The following SAG variants were observed in gnomAD, a reference collection of about 807,000 sequenced individuals.
SAG encodes S-antigen visual arrestin.
Under a neutral mutation model 55.0 loss-of-function variants are expected in SAG, and 45 were observed. The ratio of observed to expected loss-of-function variants is 0.82; its 90% CI spans 0.64 to 1.05. SAG has a LOEUF of 1.05. Among genes scored for constraint, SAG ranks in the 50% least tolerant of loss-of-function variants. The pLI, the probability that SAG is intolerant of heterozygous loss-of-function variation, is 0.00. For missense variants in SAG, 455 were observed against 512.1 expected (o/e 0.89, Z 1.08); for synonymous variants, 189 against 197.4 (o/e 0.96, Z 0.36).
At chr2:233,335,857 G>A (rs1258852396) in intron 11 of SAG, among the ~76,000 whole-genome samples, 1 of 152,228 alleles carries the variant, frequency 6.6e-6, no homozygotes, top group African/African-American at 2.4e-5. Flanking sequence ...ACCTCCCCAT[G>A]TGATATGCTG....
At chr2:233,312,486 C>T (rs980095798) in intron 2 of SAG, among the ~76,000 whole-genome samples, 6 of 152,226 alleles carry the variant, frequency 3.9e-5, no homozygotes, top group Admixed American at 6.5e-5. Flanking sequence ...GCCCCTGATA[C>T]ATGATAAGCA....
chr2:233,343,801 G>C, intron 14 of SAG: 1 of 1,005,206 alleles, frequency 9.9e-7, no homozygotes, highest in Non-Finnish European at 1.2e-6. Flanking sequence ...TAAACAAGCA[G>C]GGTTTATTTT....
At chr2:233,309,053 G>A (rs1330010513) in intron 1 of SAG, 109 bp from the exon 2 acceptor site, 7 of 632,434 alleles carry the variant, frequency 1.1e-5, no homozygotes, top group East Asian at 2.8e-5. Flanking sequence ...GGCATGGTGA[G>A]GACGCACAGG....
Position 233,319,625 on chromosome 2 carries a change from C to T in SAG, c.181+830C>T. ...GCTGAAATGGGGCCCCAAACGGCCC[C>T]CTCTGTCCTCTCCACCTTCCTCCTG... On this transcript the variant is annotated intron_variant, in intron 4 of 15. Coordinates refer to ENST00000409110, the MANE Select transcript of SAG (RefSeq NM_000541.5). The surrounding 1 kb of genome is among the most constrained non-coding windows in gnomAD (Gnocchi z 4.4). The T allele has an allele frequency of 1.0e-6, 1 of 986,680 alleles. No homozygotes were observed. The allele number at this position is 986,680 out of a possible 1,614,324, so 61.1% of individuals were successfully genotyped here.
Position 233,328,488 on chromosome 2 carries a change from C to A in SAG, c.523C>A (p.Arg175=). The change falls in exon 8 of 16, where the codon CGA becomes AGA. Residue 175 remains arginine (R), a synonymous_variant. Coordinates refer to ENST00000409110, the MANE Select transcript of SAG (RefSeq NM_000541.5). ...EDKIPKKSSV[R]LLIRKVQHAP... is the part of the protein sequence containing the mutation. The stretch of plus-strand genomic sequence containing the variant: ...GGCTGTTTCCCACAGGAGCTCCGTG[C>A]GATTACTGATCCGCAAAGTACAGCA... 1 of 1,613,138 alleles carries A rather than the reference C, an allele frequency of 6.2e-7. No individual in the cohort carries two copies. The highest frequency in any genetic ancestry group is 8.5e-7 in the Non-Finnish European group (1 of 1,179,310).
chr2:233,327,429 C>T, intron 7 of SAG: 1 of 401,076 alleles, frequency 2.5e-6, no homozygotes, highest in Non-Finnish European at 4.5e-6. Context: ...CCCCGAAAAG[C>T]TCCCGGGTTT....
At chr2:233,311,097 T>C (rs1024567552) in intron 2 of SAG, among the ~76,000 whole-genome samples, 3 of 152,056 alleles carry the variant, frequency 2.0e-5, no homozygotes, top group Non-Finnish European at 4.4e-5. Flanking sequence ...GAAATGTAGA[T>C]GGTTTTTGTA....
chr2:233,338,778 G>C (rs754824964), intron 12 of SAG, 25 bp downstream of exon 12: 2 of 1,594,770 alleles, frequency 1.3e-6, no homozygotes, highest in East Asian at 4.5e-5. Context: ...ACCAACCCTC[G>C]GGCTGCTCTG....
intron 2 of SAG, among the ~76,000 whole-genome samples, chr2:233,309,997 G>A (rs539308945): frequency 6.6e-5 from 10 of 152,296 alleles, no homozygotes; most frequent in South Asian, 4.1e-4. Flanking sequence ...CTTCTTCTCC[G>A]TGCACCTACC....
At chr2:233,346,456 T>C (rs767236490) in intron 15 of SAG, 44 bp downstream of exon 15, 2 of 1,603,898 alleles carry the variant, frequency 1.2e-6, no homozygotes, top group South Asian at 2.2e-5. Flanking sequence ...TCCTATGCTC[T>C]GGGACCTTCT....
intron 9 of SAG, among the ~76,000 whole-genome samples, chr2:233,330,509 C>T (rs1700721598): frequency 6.8e-6 from 1 of 147,978 alleles, no homozygotes. Context: ...TCCTTCCTTC[C>T]TTCCTTCCTT....
rs754349570 is a variant in SAG, at chr2:233,335,024, A to G, written c.869A>G (p.Asn290Ser). 1.2e-6 allele frequency: 2 copies of G among 1,614,046 alleles called. No individual in the cohort carries two copies. The highest frequency in any genetic ancestry group is 1.7e-6 in the Non-Finnish European group (2 of 1,179,856). Residue 290 changes from asparagine to serine, a missense_variant, in exon 11 of 16, where the codon AAC becomes AGC. Coordinates refer to ENST00000409110, the MANE Select transcript of SAG (RefSeq NM_000541.5). The part of the protein sequence containing the change: ...KTLTLLPLLA[N>S]NRERRGIALD... ...CTGACGCTGCTGCCCTTGCTGGCTAACAATCGAGAAAGGAGAGGCATTGCC... is the reference window on the plus strand; with the variant it reads ...CTGACGCTGCTGCCCTTGCTGGCTAGCAATCGAGAAAGGAGAGGCATTGCC...
intron 4 of SAG, 83 bp from the exon 5 acceptor site, chr2:233,320,546 AC>A: frequency 9.2e-7 from 1 of 1,091,648 alleles, no homozygotes; most frequent in Non-Finnish European, 1.3e-6. Context: ...AAGGTTGAAA[AC>A]CCGTGTTCGC....
intron 10 of SAG, chr2:233,332,981 G>C (rs1700814911): frequency 6.6e-6 from 1 of 151,778 alleles, no homozygotes; most frequent in Non-Finnish European, 1.5e-5. Flanking sequence ...ATTTTTAGTA[G>C]AGACAGGGTT....
At chr2:233,316,814 G>A (rs1474239999) in intron 3 of SAG, among the ~76,000 whole-genome samples, 1 of 152,200 alleles carries the variant, frequency 6.6e-6, no homozygotes, top group Admixed American at 6.5e-5. Context: ...GGGAAATACA[G>A]ATTAAAGCTA....
At chr2:233,338,816 C>T (rs1371437304) in intron 12 of SAG, 63 bp downstream of exon 12, 1 of 1,367,896 alleles carries the variant, frequency 7.3e-7, no homozygotes, top group African/African-American at 1.4e-5. Context: ...CTGAACTTTT[C>T]CTTTCCTGAA....
At chr2:233,334,418 TGAA>T (rs1419214356) in intron 10 of SAG, 2 of 152,376 alleles carry the variant, frequency 1.3e-5, no homozygotes, top group Non-Finnish European at 2.9e-5. Flanking sequence ...CGACTGATGA[TGAA>T]GAAGATCCAG....
chr2:233,336,058 C>T (rs1208488241), intron 11 of SAG, among the ~76,000 whole-genome samples: 1 of 152,232 alleles, frequency 6.6e-6, no homozygotes, highest in Non-Finnish European at 1.5e-5. Context: ...GGCCAAGTTA[C>T]TGTGTTAGAT....
Position 233,340,435 on chromosome 2 carries a change from C to G in SAG, c.1023-20C>G. On this transcript the variant is annotated intron_variant, in intron 12 of 15. Coordinates refer to ENST00000409110, the MANE Select transcript of SAG (RefSeq NM_000541.5). The surrounding 1 kb of genome is among the most constrained non-coding windows in gnomAD (Gnocchi z 4.2). Reference sequence around the variant, plus strand: ...TACCACTGTGACAGTTAACGACAGGCGTTTGTTTGTGTTTTCTAGCTTTCT... The same window carrying G: ...TACCACTGTGACAGTTAACGACAGGGGTTTGTTTGTGTTTTCTAGCTTTCT... 1 of 1,608,300 alleles carries G rather than the reference C, an allele frequency of 6.2e-7. No individual in the cohort carries two copies. The highest frequency in any genetic ancestry group is 8.5e-7 in the Non-Finnish European group (1 of 1,176,414).
Sources: allele counts gnomAD v4.1 joint callset (sites outside exome capture counted in the v4.1 genomes callset), GRCh38; gene constraint gnomAD v4.1.1; non-coding constraint Gnocchi (gnomAD v3.1); transcripts MANE v1.5; gene names NCBI Gene and HGNC (gene_info 2026-07-23, HGNC 2026-07-21).